KCNMA1: variants seen among roughly 807,000 people sequenced by gnomAD.
KCNMA1 encodes the protein potassium calcium-activated channel subfamily M alpha 1, also known as Calcium-activated potassium channel subunit alpha-1.
Under a neutral mutation model 140.0 loss-of-function variants are expected in KCNMA1, and 29 were observed. The observed-to-expected ratio is 0.21, with a 90% confidence interval of 0.15 to 0.28. The LOEUF (loss-of-function observed/expected upper bound fraction) is 0.28. Ranked by LOEUF, KCNMA1 falls within the 10% of genes least tolerant of loss-of-function variation. The pLI is 1.00. For synonymous variants in KCNMA1, 612 were observed against 611.9 expected (o/e 1.00, Z 0.00); for missense variants, 880 against 1,602.2 (o/e 0.55, Z 7.70).
chr10:77,411,170 T>A (rs910734188), intron 1 of KCNMA1, among the ~76,000 whole-genome samples: 7 of 152,072 alleles, frequency 4.6e-5, no homozygotes, highest in East Asian at 1.9e-4. Context: ...CCTGTTTAGT[T>A]TTTGCATTTT....
At chr10:77,614,144 A>G (rs1341035871) in intron 1 of KCNMA1, among the ~76,000 whole-genome samples, 1 of 152,226 alleles carries the variant, frequency 6.6e-6, no homozygotes, top group Admixed American at 6.5e-5. Flanking sequence ...GAAAAAATTA[A>G]ATACCCTGAG....
At chr10:77,130,030 G>C (rs2097825008) in intron 5 of KCNMA1, among the ~76,000 whole-genome samples, 1 of 151,914 alleles carries the variant, frequency 6.6e-6, no homozygotes, top group Non-Finnish European at 1.5e-5. Context: ...ATTCTAAACT[G>C]TTCCATAATA....
intron 2 of KCNMA1, among the ~76,000 whole-genome samples, chr10:77,261,319 T>C (rs2061954127): frequency 6.6e-6 from 1 of 152,086 alleles, no homozygotes; most frequent in Admixed American, 6.6e-5. Flanking sequence ...ATAGACACAG[T>C]GTCTGAATTC....
chr10:77,246,964 G>C (rs1267868542), intron 3 of KCNMA1, among the ~76,000 whole-genome samples: 1 of 152,140 alleles, frequency 6.6e-6, no homozygotes, highest in Non-Finnish European at 1.5e-5. Flanking sequence ...CCCCCATTGT[G>C]TGCCAGCCAT....
intron 9 of KCNMA1, among the ~76,000 whole-genome samples, chr10:77,100,711 A>C (rs2097075692): frequency 6.6e-6 from 1 of 152,210 alleles, no homozygotes; most frequent in Non-Finnish European, 1.5e-5. Flanking sequence ...CATGGTACGA[A>C]GACAGAAAAC....
chr10:77,455,224 C>T (rs1385457616), intron 1 of KCNMA1, among the ~76,000 whole-genome samples: 2 of 152,194 alleles, frequency 1.3e-5, no homozygotes, highest in Non-Finnish European at 2.9e-5. Flanking sequence ...GCACAGGCAG[C>T]TACCCTTACT....
At chr10:76,920,953 T>C (rs1196905625) in intron 23 of KCNMA1, among the ~76,000 whole-genome samples, 1 of 152,206 alleles carries the variant, frequency 6.6e-6, no homozygotes, top group African/African-American at 2.4e-5. Context: ...AAATGCTTTA[T>C]TACAGTACTT....
intron 13 of KCNMA1, among the ~76,000 whole-genome samples, chr10:77,075,986 C>T (rs891735297): frequency 2.6e-5 from 4 of 152,266 alleles, no homozygotes; most frequent in Admixed American, 6.5e-5. Context: ...TCTGCTACTT[C>T]ACCACCCCTC....
chr10:77,043,734 C>G (rs1435443025), intron 14 of KCNMA1, among the ~76,000 whole-genome samples: 1 of 152,116 alleles, frequency 6.6e-6, no homozygotes, highest in East Asian at 1.9e-4. Flanking sequence ...TGAAATAACC[C>G]AATCAAAAAA....
At chr10:77,020,414 T>C (rs2092700700) in intron 16 of KCNMA1, 1 of 152,144 alleles carries the variant, frequency 6.6e-6, no homozygotes, top group African/African-American at 2.4e-5. Flanking sequence ...CCATTACTTA[T>C]AACAATACCT....
At chr10:77,129,321 T>G (rs2097802946) in intron 5 of KCNMA1, among the ~76,000 whole-genome samples, 1 of 152,240 alleles carries the variant, frequency 6.6e-6, no homozygotes. Context: ...ATCACTGCTT[T>G]AGAGTATCTT....
intron 1 of KCNMA1, among the ~76,000 whole-genome samples, chr10:77,580,225 CA>C: frequency 6.6e-6 from 1 of 151,686 alleles, no homozygotes; most frequent in Non-Finnish European, 1.5e-5. Context: ...ACTAAAAATA[CA>C]AAAAATTAGC....
At chr10:77,574,370 G>A (rs952777989) in intron 1 of KCNMA1, among the ~76,000 whole-genome samples, 2 of 152,020 alleles carry the variant, frequency 1.3e-5, no homozygotes, top group African/African-American at 4.8e-5. Flanking sequence ...CACAATGTGT[G>A]CTTTAACTGT....
intron 2 of KCNMA1, among the ~76,000 whole-genome samples, chr10:77,402,536 G>A (rs978571331): frequency 6.6e-6 from 1 of 152,304 alleles, no homozygotes; most frequent in East Asian, 1.9e-4. Context: ...AACAGAACCT[G>A]TCTTTCTTGA....
At chr10:76,976,792 G>C (rs1167157514) in intron 19 of KCNMA1, among the ~76,000 whole-genome samples, 1 of 152,034 alleles carries the variant, frequency 6.6e-6, no homozygotes, top group Non-Finnish European at 1.5e-5. Flanking sequence ...CCCTGGAATA[G>C]ACTCTCTATT....
At chr10:77,222,774 G>GA (rs2050098174) in intron 3 of KCNMA1, among the ~76,000 whole-genome samples, 1 of 152,118 alleles carries the variant, frequency 6.6e-6, no homozygotes, top group South Asian at 2.1e-4. Context: ...CTCACTCCCA[G>GA]AAAAAAGAAC....
At chr10:77,057,714 A>G (rs2095590902) in intron 14 of KCNMA1, among the ~76,000 whole-genome samples, 2 of 151,956 alleles carry the variant, frequency 1.3e-5, no homozygotes, top group African/African-American at 4.8e-5. Flanking sequence ...TTACAAACCC[A>G]TGAGCAATCA....
At chr10:77,145,826 T>C (rs1343571071) in intron 5 of KCNMA1, among the ~76,000 whole-genome samples, 3 of 152,216 alleles carry the variant, frequency 2.0e-5, no homozygotes, top group African/African-American at 4.8e-5. Context: ...CCCAGTGTTA[T>C]AGGATTCAAA....
At chr10:77,507,884 A>C (rs2046719777) in intron 1 of KCNMA1, among the ~76,000 whole-genome samples, 1 of 152,210 alleles carries the variant, frequency 6.6e-6, no homozygotes, top group Non-Finnish European at 1.5e-5. Context: ...CTAAAGAAAC[A>C]AGTCTGTGAT....
Sources: gnomAD v4.1 joint callset for allele counts (sites outside exome capture counted in the v4.1 genomes callset) on GRCh38, gnomAD v4.1.1 for gene constraint, MANE v1.5 for transcripts, NCBI Gene and HGNC (gene_info 2026-07-23, HGNC 2026-07-21) for gene names.